SKAP2: variants seen among roughly 807,000 people sequenced by gnomAD.
The protein encoded by SKAP2 is src kinase-associated phosphoprotein 2.
Under a neutral mutation model 54.9 loss-of-function variants are expected in SKAP2, and 28 were observed. That is an observed-to-expected ratio of 0.51 (90% confidence interval 0.38 to 0.70). SKAP2 has a LOEUF of 0.70. SKAP2 is among the 30% of genes least tolerant of loss of function. The probability of loss-of-function intolerance (pLI) is 0.00; values close to 1 mark genes in which losing one functional copy is unlikely to be tolerated. For missense variants in SKAP2, 356 were observed against 424.1 expected (o/e 0.84, Z 1.41); for synonymous variants, 137 against 134.3 (o/e 1.02, Z -0.14).
At chr7:26,727,834 T>C (rs781538344) in intron 6 of SKAP2, among the ~76,000 whole-genome samples, 10 of 152,128 alleles carry the variant, frequency 6.6e-5, no homozygotes, top group Non-Finnish European at 1.0e-4. Context: ...ACCATTTTGA[T>C]AGAAAAACTA....
intron 9 of SKAP2, among the ~76,000 whole-genome samples, chr7:26,723,880 C>A (rs1464827879): frequency 6.6e-6 from 1 of 152,086 alleles, no homozygotes; most frequent in Non-Finnish European, 1.5e-5. Context: ...TACATTCTCA[C>A]AAGTTCTTTT....
intron 6 of SKAP2, among the ~76,000 whole-genome samples, chr7:26,730,089 A>T (rs1787790904): frequency 6.6e-6 from 1 of 152,176 alleles, no homozygotes; most frequent in Admixed American, 6.5e-5. Context: ...CCATATCTCC[A>T]ATTAGCCAAT....
downstream of SKAP2, among the ~76,000 whole-genome samples, chr7:26,664,728 G>GAAAAAAAAAAAAAAAAAAAAAAAAA (rs372243207): frequency 1.8e-5 from 2 of 111,102 alleles, no homozygotes; most frequent in African/African-American, 3.2e-5. Flanking sequence ...AAACTGAAAA[G>GAAAAAAAAAAAAAAAAAAAAAAAAA]AAAAAAAAAA....
chr7:26,766,504 C>T (rs1215261521), intron 4 of SKAP2, among the ~76,000 whole-genome samples: 1 of 152,148 alleles, frequency 6.6e-6, no homozygotes, highest in Non-Finnish European at 1.5e-5. Context: ...ACTTTGAATA[C>T]TATGTTGAAT....
rs1183473460 is a variant in SKAP2 at position 26,686,677 on chromosome 7, A to G, written c.875-1829T>C. 2.0e-5 allele frequency among the ~76,000 whole-genome samples: 3 copies of G among 152,356 alleles called. No individual in the cohort carries two copies. In the East Asian group the frequency reaches 5.8e-4, roughly 29 times the overall value. ...TAGACAAATAGAGATTTAGAAGTTGAAACATTCTAGTCAGATTAAATCAAT... is the reference window on the plus strand; with the variant it reads ...TAGACAAATAGAGATTTAGAAGTTGGAACATTCTAGTCAGATTAAATCAAT... On this transcript the variant is annotated intron_variant, in intron 10 of 12. Coordinates refer to ENST00000345317, the MANE Select transcript of SKAP2 (RefSeq NM_003930.5).
chr7:26,846,306 A>G (rs940942511), intron 3 of SKAP2, among the ~76,000 whole-genome samples: 3 of 152,182 alleles, frequency 2.0e-5, no homozygotes, highest in Admixed American at 6.5e-5. Context: ...GATTTTGAAA[A>G]AAATTCAGAT....
chr7:26,754,329 A>C (rs1782744308), intron 4 of SKAP2, among the ~76,000 whole-genome samples: 1 of 150,636 alleles, frequency 6.6e-6, no homozygotes, highest in Admixed American at 6.7e-5. Context: ...ACACCACAGA[A>C]CTCCAGTCTG....
chr7:26,661,550 T>A, the SKAP2 span, among the ~76,000 whole-genome samples: 9 of 152,280 alleles, frequency 5.9e-5, 1 homozygote, highest in South Asian at 1.7e-3. Context: ...ATTTAGAAAC[T>A]TTATAGACAG....
intron 4 of SKAP2, among the ~76,000 whole-genome samples, chr7:26,797,285 C>A (rs547147680): frequency 6.6e-6 from 1 of 152,320 alleles, no homozygotes; most frequent in East Asian, 1.9e-4. Flanking sequence ...GGTCTTACCC[C>A]GTGCAGTCAT....
Position 26,684,790 on chromosome 7 carries a change from A to G in SKAP2, c.933T>C (p.Ala311=), listed in dbSNP as rs763108186. 1 of 1,613,216 alleles carries G rather than the reference A, an allele frequency of 6.2e-7. No individual in the cohort carries two copies. The highest frequency in any genetic ancestry group is 8.5e-7 in the Non-Finnish European group (1 of 1,179,394). ...FYQGLWDCTG[A]FSDELSFKRG... ...GCTTAAATGACAACTCATCAGAAAA[A>G]GCTCCAGTACAATCCCACAATCCCT... The change falls in exon 11 of 13, where the codon GCT becomes GCC. Residue 311 remains alanine, a synonymous_variant. Transcript: ENST00000345317.
intron 6 of SKAP2, among the ~76,000 whole-genome samples, chr7:26,733,238 G>T (rs1248576702): frequency 1.3e-5 from 2 of 151,800 alleles, no homozygotes; most frequent in African/African-American, 4.8e-5. Flanking sequence ...TAGAATTAAT[G>T]GTTCCTATTT....
At chr7:26,654,975 G>A in the SKAP2 span, among the ~76,000 whole-genome samples, 1 of 152,216 alleles carries the variant, frequency 6.6e-6, no homozygotes, top group Admixed American at 6.5e-5. Context: ...GTCCCCAGGT[G>A]TATCAGATGG....
chr7:26,840,354 C>T (rs1262771888), intron 4 of SKAP2, among the ~76,000 whole-genome samples: 2 of 152,102 alleles, frequency 1.3e-5, no homozygotes, highest in Non-Finnish European at 2.9e-5. Flanking sequence ...TTCTAGCTCA[C>T]TGAATCCTTT....
intron 4 of SKAP2, among the ~76,000 whole-genome samples, chr7:26,744,640 A>G (rs1282024353): frequency 6.6e-6 from 1 of 151,950 alleles, no homozygotes; most frequent in Non-Finnish European, 1.5e-5. Flanking sequence ...TTGATTCACA[A>G]TTTTGTCCAG....
At chr7:26,857,697 C>A in intron 1 of SKAP2, 3 of 985,462 alleles carry the variant, frequency 3.0e-6, no homozygotes, top group Non-Finnish European at 3.6e-6. Context: ...AGAGCCGGGT[C>A]TGGGGCAGAG....
chr7:26,672,569 GAT>G (rs1370162458), intron 11 of SKAP2, among the ~76,000 whole-genome samples: 3 of 151,894 alleles, frequency 2.0e-5, no homozygotes, highest in African/African-American at 7.2e-5. Context: ...TAAAATATCA[GAT>G]TTAAATCAGA....
At chr7:26,789,101 T>C (rs540710722) in intron 4 of SKAP2, among the ~76,000 whole-genome samples, 2 of 152,322 alleles carry the variant, frequency 1.3e-5, no homozygotes, top group South Asian at 2.1e-4. Flanking sequence ...TTAGAGTATA[T>C]AGACTTTTCA....
At chr7:26,737,130 T>C (rs1010248252) in intron 6 of SKAP2, among the ~76,000 whole-genome samples, 6 of 152,184 alleles carry the variant, frequency 3.9e-5, no homozygotes, top group Admixed American at 1.3e-4. Context: ...AGAAGCCTAA[T>C]TGAATCAAAG....
intron 11 of SKAP2, among the ~76,000 whole-genome samples, chr7:26,672,895 T>C (rs1786272861): frequency 6.6e-6 from 1 of 152,078 alleles, no homozygotes; most frequent in Admixed American, 6.6e-5. Context: ...GAACATTCAA[T>C]ATTGTACAAG....
Sources: allele counts gnomAD v4.1 joint callset (sites outside exome capture counted in the v4.1 genomes callset), GRCh38; gene constraint gnomAD v4.1.1; transcripts MANE v1.5; gene names NCBI Gene and HGNC (gene_info 2026-07-23, HGNC 2026-07-21).